Variants in PRKCE observed in about 807,000 individuals in gnomAD.
The protein encoded by PRKCE is protein kinase C epsilon, also known as protein kinase C epsilon type.
PRKCE carries 16 observed loss-of-function variants against 85.4 expected under a neutral mutation model. The observed-to-expected ratio is 0.19, with a 90% CI of 0.13 to 0.28. PRKCE has a LOEUF of 0.28. Among genes scored for constraint, PRKCE ranks in the 10% least tolerant of loss-of-function variants. The pLI, the probability that PRKCE is intolerant of heterozygous loss-of-function variation, is 1.00. For synonymous variants in PRKCE, 388 were observed against 371.5 expected, an observed-to-expected ratio of 1.04 and a Z score of -0.51; for missense variants, 573 against 975.2, an observed-to-expected ratio of 0.59 and a Z score of 5.49.
At chr2:45,960,631 C>T (rs577673990) in intron 2 of PRKCE, among the ~76,000 whole-genome samples, 1 of 152,314 alleles carries the variant, frequency 6.6e-6, no homozygotes, top group Non-Finnish European at 1.5e-5. Context: ...CACCAATCAC[C>T]TCCTGCTGTG....
chr2:46,142,510 A>C (rs1054963436), intron 11 of PRKCE, among the ~76,000 whole-genome samples: 1 of 152,214 alleles, frequency 6.6e-6, no homozygotes, highest in Middle Eastern at 3.2e-3. Flanking sequence ...GGAAGTGACC[A>C]GGGGCGGGCT....
intron 10 of PRKCE, among the ~76,000 whole-genome samples, chr2:46,048,300 C>T (rs1708648863): frequency 6.6e-6 from 1 of 152,234 alleles, no homozygotes; most frequent in African/African-American, 2.4e-5. Flanking sequence ...CAGCTTCATT[C>T]TCAGAACTGT....
intron 11 of PRKCE, among the ~76,000 whole-genome samples, chr2:46,092,344 G>A (rs1443792031): frequency 1.3e-5 from 2 of 152,122 alleles, no homozygotes; most frequent in African/African-American, 2.4e-5. Context: ...GATTCTCCAA[G>A]CCTTTTGATC....
chr2:46,082,394 A>G (rs1035742292), intron 10 of PRKCE, among the ~76,000 whole-genome samples: 2 of 152,118 alleles, frequency 1.3e-5, no homozygotes, highest in African/African-American at 4.8e-5. Context: ...AGAGGTATTA[A>G]ATGACTAAGG....
intron 1 of PRKCE, among the ~76,000 whole-genome samples, chr2:45,757,542 C>G (rs1486367415): frequency 6.6e-6 from 1 of 151,988 alleles, no homozygotes; most frequent in Admixed American, 6.6e-5. Flanking sequence ...TGGCATGCAG[C>G]TGTAGTGCCA....
intron 2 of PRKCE, among the ~76,000 whole-genome samples, chr2:45,853,089 C>G (rs11890282): frequency 0.37 from 55,996 of 152,056 alleles, 12,102 homozygotes; most frequent in African/African-American, 0.6. Flanking sequence ...TTTTCTTTCT[C>G]GAGTCCCGAT....
chr2:45,881,810 A>G (rs1005519803), intron 2 of PRKCE, among the ~76,000 whole-genome samples: 7 of 152,136 alleles, frequency 4.6e-5, no homozygotes, highest in African/African-American at 1.7e-4. Flanking sequence ...AGGGAACGAG[A>G]TTGAATTTTA....
At chr2:46,014,668 C>T (rs1398024488) in intron 10 of PRKCE, among the ~76,000 whole-genome samples, 2 of 152,152 alleles carry the variant, frequency 1.3e-5, no homozygotes, top group Non-Finnish European at 2.9e-5. Context: ...ATGTGCTAGA[C>T]ACTGTGCTAG....
At chr2:45,868,972 A>G (rs77241167) in intron 2 of PRKCE, among the ~76,000 whole-genome samples, 4 of 146,938 alleles carry the variant, frequency 2.7e-5, no homozygotes, top group African/African-American at 1.0e-4. Flanking sequence ...AAAAAAAAAA[A>G]AGAAAAAAGA....
chr2:46,015,771 T>C (rs1442930584), intron 10 of PRKCE, among the ~76,000 whole-genome samples: 2 of 151,236 alleles, frequency 1.3e-5, no homozygotes, highest in East Asian at 3.9e-4. Context: ...TATGTCAGAT[T>C]AAATCTAAAC....
chr2:45,867,135 A>T (rs376839758), intron 2 of PRKCE, among the ~76,000 whole-genome samples: 4 of 152,148 alleles, frequency 2.6e-5, no homozygotes, highest in African/African-American at 9.7e-5. Context: ...CTGAAGAATG[A>T]TTGTCCTGCT....
intron 1 of PRKCE, among the ~76,000 whole-genome samples, chr2:45,838,320 C>T (rs2345625): frequency 0.45 from 67,792 of 152,124 alleles, 15,333 homozygotes; most frequent in Middle Eastern, 0.55. Flanking sequence ...CTGTTGACCT[C>T]TCCTCTGTGC....
intron 2 of PRKCE, among the ~76,000 whole-genome samples, chr2:45,857,066 C>A (rs1692737194): frequency 6.6e-6 from 1 of 151,942 alleles, no homozygotes; most frequent in Non-Finnish European, 1.5e-5. Context: ...GGATATATAC[C>A]CAGTAGTGGG....
chr2:45,782,098 A>T (rs1686236234), intron 1 of PRKCE, among the ~76,000 whole-genome samples: 2 of 152,228 alleles, frequency 1.3e-5, no homozygotes, highest in South Asian at 4.1e-4. Context: ...GCCAGCCTTC[A>T]TAGATGCAGT....
chr2:46,075,867 G>T (rs766180706), intron 10 of PRKCE, among the ~76,000 whole-genome samples: 12 of 152,230 alleles, frequency 7.9e-5, no homozygotes, highest in Non-Finnish European at 1.3e-4. Context: ...CACAGCATTG[G>T]GTAGAGGCCT....
intron 2 of PRKCE, among the ~76,000 whole-genome samples, chr2:45,911,215 AGGAAG>A (rs1356443391): frequency 6.6e-6 from 1 of 152,240 alleles, no homozygotes; most frequent in Non-Finnish European, 1.5e-5. Context: ...AATCAACATT[AGGAAG>A]AGCTGGGTTT....
chr2:46,167,225 TG>T (rs1678426282), intron 14 of PRKCE, among the ~76,000 whole-genome samples: 1 of 152,106 alleles, frequency 6.6e-6, no homozygotes, highest in African/African-American at 2.4e-5. Flanking sequence ...TGTGGGATAT[TG>T]GGAAAGTCAC....
chr2:46,040,131 A>G (rs1009399), intron 10 of PRKCE, among the ~76,000 whole-genome samples: 80,818 of 152,092 alleles, frequency 0.53, 23,327 homozygotes, highest in African/African-American at 0.76. Flanking sequence ...CTGAATACAC[A>G]CAGTGTTTAG....
At chr2:46,156,740 T>C (rs1477471308) in intron 13 of PRKCE, among the ~76,000 whole-genome samples, 1 of 152,230 alleles carries the variant, frequency 6.6e-6, no homozygotes, top group Non-Finnish European at 1.5e-5. Context: ...TCAGTTTATA[T>C]ATTTAGGCCT....
Sources: gnomAD v4.1 joint callset for allele counts (sites outside exome capture counted in the v4.1 genomes callset) on GRCh38, gnomAD v4.1.1 for gene constraint, MANE v1.5 for transcripts, NCBI Gene and HGNC (gene_info 2026-07-23, HGNC 2026-07-21) for gene names.